SHISA6: variants seen among roughly 807,000 people sequenced by gnomAD.
SHISA6 encodes the protein shisa family member 6.
SHISA6 carries 22 observed loss-of-function variants against 47.9 expected under a neutral mutation model. The ratio of observed to expected loss-of-function variants is 0.46; its 90% CI spans 0.33 to 0.66. The LOEUF (loss-of-function observed/expected upper bound fraction) is 0.66. Among genes scored for constraint, SHISA6 ranks in the 30% least tolerant of loss-of-function variants. The probability of loss-of-function intolerance (pLI) is 0.02; values close to 1 mark genes in which losing one functional copy is unlikely to be tolerated. For synonymous variants in SHISA6, 388 were observed against 337.8 expected (o/e 1.15, Z -1.63); for missense variants, 680 against 764.6 (o/e 0.89, Z 1.30).
chr17:11,333,675 C>T (rs531315060), intron 2 of SHISA6, among the ~76,000 whole-genome samples: 5 of 152,060 alleles, frequency 3.3e-5, no homozygotes, highest in South Asian at 2.1e-4. Context: ...CCACCATTCC[C>T]GGCTAATTTT....
chr17:11,432,266 C>G (rs967428418), intron 3 of SHISA6, among the ~76,000 whole-genome samples: 4 of 152,194 alleles, frequency 2.6e-5, no homozygotes, highest in Non-Finnish European at 5.9e-5. Context: ...ATGAGCTTTT[C>G]TCTTGCAACT....
intron 2 of SHISA6, among the ~76,000 whole-genome samples, chr17:11,339,151 A>G (rs1911430917): frequency 6.6e-6 from 1 of 150,564 alleles, no homozygotes; most frequent in South Asian, 2.1e-4. Flanking sequence ...GTACCCTAGA[A>G]CTTAAAGTAT....
At chr17:11,532,409 T>G (rs914125231) in intron 3 of SHISA6, among the ~76,000 whole-genome samples, 1 of 152,206 alleles carries the variant, frequency 6.6e-6, no homozygotes, top group East Asian at 1.9e-4. Flanking sequence ...GCATAGATCC[T>G]TGTTTCTTTC....
At chr17:11,253,593 A>G (rs1907897490) in intron 1 of SHISA6, among the ~76,000 whole-genome samples, 1 of 151,970 alleles carries the variant, frequency 6.6e-6, no homozygotes. Flanking sequence ...AGTGTTTTGG[A>G]ATTTTTATGT....
chr17:11,464,710 A>G (rs1437385874), intron 3 of SHISA6, among the ~76,000 whole-genome samples: 1 of 152,210 alleles, frequency 6.6e-6, no homozygotes, highest in African/African-American at 2.4e-5. Flanking sequence ...TGGGAGGCCA[A>G]GGCAGGTGGA....
intron 3 of SHISA6, among the ~76,000 whole-genome samples, chr17:11,389,041 C>A (rs941898604): frequency 1.8e-4 from 28 of 151,766 alleles, no homozygotes; most frequent in African/African-American, 6.8e-4. Context: ...GACTCTGTCT[C>A]CAGCTGGATT....
intron 3 of SHISA6, among the ~76,000 whole-genome samples, chr17:11,454,922 C>A (rs1915495952): frequency 6.6e-6 from 1 of 152,132 alleles, no homozygotes; most frequent in Non-Finnish European, 1.5e-5. Flanking sequence ...ATAATCTCAG[C>A]ACTTTGGGAG....
At chr17:11,510,343 C>T (rs2071531847) in intron 3 of SHISA6, among the ~76,000 whole-genome samples, 1 of 152,160 alleles carries the variant, frequency 6.6e-6, no homozygotes, top group Non-Finnish European at 1.5e-5. Flanking sequence ...CCTGAGTGGT[C>T]CTGGGTCCTG....
intron 3 of SHISA6, among the ~76,000 whole-genome samples, chr17:11,491,992 A>G (rs534082702): frequency 2.6e-5 from 4 of 152,122 alleles, no homozygotes; most frequent in African/African-American, 9.6e-5. Flanking sequence ...GATGGTCTCG[A>G]TCTCTTGACC....
chr17:11,528,081 C>T lies in SHISA6; in HGVS notation c.896-23815C>T, dbSNP rs534745994. 5.3e-5 allele frequency among the ~76,000 whole-genome samples: 8 copies of T among 152,224 alleles called. No homozygotes were observed. In the South Asian group the frequency reaches 1.5e-3, roughly 28 times the overall value. Reference sequence around the variant, plus strand: ...GTTATAAAATCCTAGAGAGTTCCTTCCAAATTTGGGGGGTTGGGGGTACTT... The same window carrying T: ...GTTATAAAATCCTAGAGAGTTCCTTTCAAATTTGGGGGGTTGGGGGTACTT... On this transcript the variant is annotated intron_variant, in intron 3 of 5. Transcript: ENST00000441885.
intron 2 of SHISA6, among the ~76,000 whole-genome samples, chr17:11,323,333 T>C (rs1255327096): frequency 1.3e-5 from 2 of 152,134 alleles, no homozygotes; most frequent in Admixed American, 1.3e-4. Flanking sequence ...TCAAGGTCAT[T>C]GTCCTCATAA....
chr17:11,351,563 A>G (rs756077653), intron 2 of SHISA6, among the ~76,000 whole-genome samples: 10 of 152,048 alleles, frequency 6.6e-5, no homozygotes, highest in Non-Finnish European at 1.2e-4. Context: ...TGTTGCTTCT[A>G]TTATTTCTTA....
chr17:11,469,076 CAA>C (rs1915878049), intron 3 of SHISA6, among the ~76,000 whole-genome samples: 1 of 147,206 alleles, frequency 6.8e-6, no homozygotes. Flanking sequence ...CGTGACTTTC[CAA>C]AGACAGAAGA....
At chr17:11,341,237 A>G (rs543122030) in intron 2 of SHISA6, among the ~76,000 whole-genome samples, 2 of 152,078 alleles carry the variant, frequency 1.3e-5, no homozygotes, top group South Asian at 2.1e-4. Context: ...TAAAAATGAC[A>G]AGGATCATGG....
intron 2 of SHISA6, among the ~76,000 whole-genome samples, chr17:11,366,501 G>A (rs746650469): frequency 2.6e-5 from 4 of 152,238 alleles, no homozygotes; most frequent in Non-Finnish European, 5.9e-5. Context: ...CATAGAATGA[G>A]CAGATGTCTA....
chr17:11,352,008 G>A (rs760793781), intron 2 of SHISA6, among the ~76,000 whole-genome samples: 1 of 152,170 alleles, frequency 6.6e-6, no homozygotes, highest in Non-Finnish European at 1.5e-5. Context: ...ATATTGGTAT[G>A]GAGATATGCC....
intron 3 of SHISA6, among the ~76,000 whole-genome samples, chr17:11,399,921 A>G (rs569001721): frequency 6.6e-6 from 1 of 152,302 alleles, no homozygotes; most frequent in Admixed American, 6.5e-5. Context: ...GTTTTATTTT[A>G]GTCTTCATTC....
rs1471424687 is a variant in SHISA6 at position 11,525,642 on chromosome 17, A to C, written c.896-26254A>C. 8.7e-5 allele frequency among the ~76,000 whole-genome samples: 9 copies of C among 103,086 alleles called. No individual in the cohort carries two copies. The South Asian group carries it at 2.1e-3, about 24-fold the overall frequency. 67.6% of individuals were successfully genotyped at this position (103,086 alleles called of 152,430 possible). On this transcript the variant is annotated intron_variant, in intron 3 of 5. Coordinates refer to ENST00000441885, the MANE Select transcript of SHISA6 (RefSeq NM_207386.4). ...GCAAGACTCCGTCTCAAAAAAAAAA[A>C]AAAAAAAAACAAAAAAAAAAAAACG...
chr17:11,497,402 T>A (rs371069567), intron 3 of SHISA6, among the ~76,000 whole-genome samples: 1 of 152,074 alleles, frequency 6.6e-6, no homozygotes, highest in Non-Finnish European at 1.5e-5. Context: ...CAGGATCCAG[T>A]TGAAAACGGG....
Sources: gnomAD v4.1 joint callset for allele counts (sites outside exome capture counted in the v4.1 genomes callset) on GRCh38, gnomAD v4.1.1 for gene constraint, MANE v1.5 for transcripts, NCBI Gene and HGNC (gene_info 2026-07-23, HGNC 2026-07-21) for gene names.